Variants in CNDP1 observed in about 807,000 individuals in gnomAD.
CNDP1 encodes beta-Ala-His dipeptidase.
CNDP1 carries 44 observed loss-of-function variants against 58.1 expected under a neutral mutation model. That is an observed-to-expected ratio of 0.76 (90% CI 0.60 to 0.97). CNDP1 has a LOEUF of 0.97. Ranked by LOEUF, CNDP1 falls within the 50% of genes least tolerant of loss-of-function variation. The pLI, the probability that CNDP1 is intolerant of heterozygous loss-of-function variation, is 0.00. For missense variants in CNDP1, 616 were observed against 655.1 expected, an observed-to-expected ratio of 0.94 and a Z score of 0.65; for synonymous variants, 254 against 252.6, an observed-to-expected ratio of 1.01 and a Z score of -0.05.
chr18:74,537,575 A>T (rs1980513854), intron 1 of CNDP1, among the ~76,000 whole-genome samples: 1 of 152,166 alleles, frequency 6.6e-6, no homozygotes, highest in African/African-American at 2.4e-5. Context: ...GCTAGGGTGG[A>T]TCCCTGGCTG....
intron 7 of CNDP1, among the ~76,000 whole-genome samples, chr18:74,573,436 C>G (rs79589236): frequency 0.025 from 3,637 of 146,840 alleles, 119 homozygotes; most frequent in East Asian, 0.089. Context: ...ATCCAACTAT[C>G]TATCTATGTA....
intron 1 of CNDP1, among the ~76,000 whole-genome samples, chr18:74,554,146 T>A (rs946198156): frequency 6.6e-6 from 1 of 152,210 alleles, no homozygotes; most frequent in Non-Finnish European, 1.5e-5. Flanking sequence ...CCACCCCGAC[T>A]GCACTGCTTT....
chr18:74,535,689 C>G (rs1045838477), intron 1 of CNDP1, among the ~76,000 whole-genome samples: 1 of 149,450 alleles, frequency 6.7e-6, no homozygotes, highest in Non-Finnish European at 1.5e-5. Flanking sequence ...TAAACTGTGT[C>G]ATGATAGTAT....
At chr18:74,570,185 C>A (rs1329898263) in intron 6 of CNDP1, among the ~76,000 whole-genome samples, 1 of 144,518 alleles carries the variant, frequency 6.9e-6, no homozygotes, top group African/African-American at 2.6e-5. Context: ...GGTGACAGAG[C>A]AAGACTCTGT....
At chr18:74,582,101 A>T (rs1191578145) in intron 10 of CNDP1, among the ~76,000 whole-genome samples, 1 of 152,198 alleles carries the variant, frequency 6.6e-6, no homozygotes, top group Admixed American at 6.5e-5. Context: ...AAACTTTAGG[A>T]TTGAAGAAAT....
At position 74,578,342 on chromosome 18, in the gene CNDP1, T is replaced by C. The variant is rs1417724162; in HGVS notation, c.1167+15T>C. The C allele has an allele frequency of 3.8e-6, 6 of 1,593,896 alleles. No individual in the cohort carries two copies. The highest frequency in any genetic ancestry group is 1.8e-5 in the Admixed American group (1 of 56,824). On this transcript the variant is annotated intron_variant, in intron 9 of 11. Transcript: ENST00000358821. ...TGGAAAAACAGGTAACAAATGCTTA[T>C]TGTGACAATAACATGTTTCAGTAAC...
chr18:74,553,848 C>G (rs971729914), intron 1 of CNDP1, among the ~76,000 whole-genome samples: 7 of 152,180 alleles, frequency 4.6e-5, no homozygotes, highest in South Asian at 2.1e-4. Flanking sequence ...CAGTTTCCTC[C>G]AAGATGCTGC....
At chr18:74,573,922 T>C (rs1227998776) in intron 7 of CNDP1, among the ~76,000 whole-genome samples, 1 of 152,264 alleles carries the variant, frequency 6.6e-6, no homozygotes, top group Non-Finnish European at 1.5e-5. Flanking sequence ...CAGTAATTTC[T>C]GGATTGTGTC....
At chr18:74,557,527 C>T (rs926585073) in intron 2 of CNDP1, among the ~76,000 whole-genome samples, 1 of 152,094 alleles carries the variant, frequency 6.6e-6, no homozygotes, top group East Asian at 1.9e-4. Context: ...CCCACAGACT[C>T]ACCAGCTCCT....
At position 74,557,673 on chromosome 18, in the gene CNDP1, C is replaced by T. The variant is rs996091313; in HGVS notation, c.153+1207C>T. ...TGTGTTGTTGTCTGTGTTCACCAGA[C>T]GGGGAGCTCCTTGAGGTCTCCCTGG... On this transcript the variant is annotated intron_variant, in intron 2 of 11. Coordinates refer to ENST00000358821, the MANE Select transcript of CNDP1 (RefSeq NM_032649.6). 1.5e-4 allele frequency among the ~76,000 whole-genome samples: 23 copies of T among 152,258 alleles called. 1 individual carries two copies. Among genetic ancestry groups the T allele is most frequent in the African/African-American group, 4.8e-4 (20 of 41,548 alleles).
At chr18:74,575,113 AAAGG>A (rs1024831663) in intron 7 of CNDP1, among the ~76,000 whole-genome samples, 3 of 151,866 alleles carry the variant, frequency 2.0e-5, no homozygotes, top group African/African-American at 4.8e-5. Context: ...AGAAGGAAAG[AAAGG>A]AAGGAAGGAA....
chr18:74,542,354 G>C (rs952795235), intron 1 of CNDP1, among the ~76,000 whole-genome samples: 2 of 152,138 alleles, frequency 1.3e-5, no homozygotes, highest in Non-Finnish European at 2.9e-5. Context: ...AGAGCTTGTG[G>C]GCTTTTAAGT....
chr18:74,562,341 G>C (rs1359797129), intron 5 of CNDP1, among the ~76,000 whole-genome samples: 2 of 152,192 alleles, frequency 1.3e-5, no homozygotes, highest in East Asian at 1.9e-4. Flanking sequence ...GAGCAGTGAA[G>C]CTGGTGGCAA....
At chr18:74,552,918 A>G (rs1349533426) in intron 1 of CNDP1, among the ~76,000 whole-genome samples, 2 of 152,130 alleles carry the variant, frequency 1.3e-5, no homozygotes, top group African/African-American at 4.8e-5. Context: ...GAAGTTTCCA[A>G]TTTCTCTACA....
rs137889876 is a variant in CNDP1, at chr18:74,554,839, T to C, written c.25-1499T>C. On this transcript the variant is annotated intron_variant, in intron 1 of 11. Coordinates refer to ENST00000358821, the MANE Select transcript of CNDP1 (RefSeq NM_032649.6). ...TTTAAAAAGATCACCCAGGCTGCTT[T>C]GTGGAGGGTGGATTAGAGGAAGCCA... Among the ~76,000 whole-genome samples the C allele has an allele frequency of 6.4e-3, 980 of 152,306 alleles. 12 individuals are homozygous for C. Among genetic ancestry groups the C allele is most frequent in the South Asian group, 0.02 (98 of 4,820 alleles).
chr18:74,550,192 C>A (rs1004956019), intron 1 of CNDP1, among the ~76,000 whole-genome samples: 2 of 152,206 alleles, frequency 1.3e-5, no homozygotes, highest in African/African-American at 4.8e-5. Flanking sequence ...GATCCACTGG[C>A]AGCTTACATC....
chr18:74,545,684 G>A lies in CNDP1; in HGVS notation c.25-10654G>A, dbSNP rs910425468. ...TCCTCCTCTCTGCTGTTCTGCGGCC[G>A]GAACATCTTAATTTCACGTGCTGCC... On this transcript the variant is annotated intron_variant, in intron 1 of 11. Coordinates refer to ENST00000358821, the MANE Select transcript of CNDP1 (RefSeq NM_032649.6). The surrounding 1 kb of genome is among the most constrained non-coding windows in gnomAD (Gnocchi z 4.1). Among the ~76,000 whole-genome samples the A allele has an allele frequency of 1.3e-5, 2 of 151,992 alleles. No individual in the cohort carries two copies. The highest frequency in any genetic ancestry group is 2.9e-5 in the Non-Finnish European group (2 of 68,008).
chr18:74,540,189 G>T (rs1980583100), intron 1 of CNDP1, among the ~76,000 whole-genome samples: 1 of 149,484 alleles, frequency 6.7e-6, no homozygotes, highest in Non-Finnish European at 1.5e-5. Flanking sequence ...ACGGAGTCTG[G>T]CTCTGTTGCC....
intron 7 of CNDP1, among the ~76,000 whole-genome samples, chr18:74,572,936 G>T (rs1194150844): frequency 6.6e-6 from 1 of 152,096 alleles, no homozygotes; most frequent in Non-Finnish European, 1.5e-5. Context: ...CCAGGCCATG[G>T]TACAATCAGC....
Sources: allele counts gnomAD v4.1 joint callset (sites outside exome capture counted in the v4.1 genomes callset), GRCh38; gene constraint gnomAD v4.1.1; non-coding constraint Gnocchi (gnomAD v3.1); transcripts MANE v1.5; gene names NCBI Gene and HGNC (gene_info 2026-07-23, HGNC 2026-07-21).